CNTNAP4: variants seen among roughly 807,000 people sequenced by gnomAD.
CNTNAP4 encodes contactin associated protein family member 4.
CNTNAP4 carries 98 observed loss-of-function variants against 148.4 expected under a neutral mutation model. That is an observed-to-expected ratio of 0.66 (90% CI 0.56 to 0.78). The LOEUF (loss-of-function observed/expected upper bound fraction) is 0.78. Among genes scored for constraint, CNTNAP4 ranks in the 30% least tolerant of loss-of-function variants. The pLI, the probability that CNTNAP4 is intolerant of heterozygous loss-of-function variation, is 0.00. For missense variants in CNTNAP4, 1,935 were observed against 1,565.6 expected, an observed-to-expected ratio of 1.24 and a Z score of -3.98; for synonymous variants, 730 against 565.1, an observed-to-expected ratio of 1.29 and a Z score of -4.14.
chr16:76,483,371 C>T (rs1230453559), intron 12 of CNTNAP4, among the ~76,000 whole-genome samples: 1 of 152,066 alleles, frequency 6.6e-6, no homozygotes, highest in Non-Finnish European at 1.5e-5. Flanking sequence ...GGGGGAATCA[C>T]AGTACAATTA....
chr16:76,466,144 T>C lies in CNTNAP4; in HGVS notation c.1484-1208T>C, dbSNP rs143289814. ...CTCCGTTCCGTGGGTTCAATTGTTT[T>C]GATTTTTAGGTCCCACAAATAAATG... On this transcript the variant is annotated intron_variant, in intron 9 of 23. Coordinates refer to ENST00000611870, the MANE Select transcript of CNTNAP4 (RefSeq NM_033401.5). 7.8e-3 allele frequency among the ~76,000 whole-genome samples: 1,184 copies of C among 152,314 alleles called. 17 individuals are homozygous for C. Among genetic ancestry groups the C allele is most frequent in the African/African-American group, 0.028 (1,150 of 41,574 alleles).
At chr16:76,320,092 G>C (rs1287256882) in intron 2 of CNTNAP4, among the ~76,000 whole-genome samples, 1 of 152,140 alleles carries the variant, frequency 6.6e-6, no homozygotes, top group Non-Finnish European at 1.5e-5. Flanking sequence ...AAAGACCGTT[G>C]GTGTAAATAC....
At chr16:76,506,896 C>T (rs1384665275) in intron 15 of CNTNAP4, among the ~76,000 whole-genome samples, 3 of 96,628 alleles carry the variant, frequency 3.1e-5, no homozygotes, top group African/African-American at 7.7e-5. Context: ...TGCTACCATT[C>T]TGTGAGGAGG....
chr16:76,356,703 C>T (rs1372158530), intron 3 of CNTNAP4, among the ~76,000 whole-genome samples: 1 of 152,168 alleles, frequency 6.6e-6, no homozygotes, highest in Non-Finnish European at 1.5e-5. Context: ...AATGAAGCGT[C>T]ATTCTTAGCA....
chr16:76,478,754 T>TTGTA (rs2081690248), intron 11 of CNTNAP4, among the ~76,000 whole-genome samples: 1 of 152,046 alleles, frequency 6.6e-6, no homozygotes, highest in Non-Finnish European at 1.5e-5. Flanking sequence ...CTGAAACCAC[T>TTGTA]TGAAGGCATA....
At chr16:76,489,931 C>G in intron 13 of CNTNAP4, 48 bp downstream of exon 13, 2 of 1,237,836 alleles carry the variant, frequency 1.6e-6, no homozygotes, top group Non-Finnish European at 2.2e-6. Flanking sequence ...ACATCATGCA[C>G]TTACTCAACT....
At chr16:76,519,760 C>A (rs898819846) in intron 15 of CNTNAP4, among the ~76,000 whole-genome samples, 5 of 152,174 alleles carry the variant, frequency 3.3e-5, no homozygotes. Context: ...TCATTTGACT[C>A]TGGGAGGAAA....
chr16:76,418,864 G>C (rs994464499), intron 3 of CNTNAP4, among the ~76,000 whole-genome samples: 5 of 151,918 alleles, frequency 3.3e-5, no homozygotes, highest in African/African-American at 1.2e-4. Context: ...CTAAGAAATG[G>C]GTTACAGTTT....
At chr16:76,477,084 A>C (rs1018790300) in intron 11 of CNTNAP4, among the ~76,000 whole-genome samples, 5 of 152,180 alleles carry the variant, frequency 3.3e-5, no homozygotes, top group Non-Finnish European at 7.3e-5. Context: ...CTTATAAAGA[A>C]ATAGATATTA....
chr16:76,473,603 C>A (rs2081447977), intron 10 of CNTNAP4, among the ~76,000 whole-genome samples: 1 of 152,028 alleles, frequency 6.6e-6, no homozygotes, highest in South Asian at 2.1e-4. Context: ...GAAGCCCCGT[C>A]TCTACTAAAA....
intron 1 of CNTNAP4, among the ~76,000 whole-genome samples, chr16:76,310,979 T>C (rs1045042174): frequency 1.3e-5 from 2 of 152,110 alleles, no homozygotes; most frequent in Non-Finnish European, 2.9e-5. Context: ...TCTTGTGCTC[T>C]TTTTTCCTCA....
chr16:76,438,577 C>G (rs965829004), intron 4 of CNTNAP4, among the ~76,000 whole-genome samples: 6 of 152,006 alleles, frequency 3.9e-5, no homozygotes, highest in Non-Finnish European at 5.9e-5. Flanking sequence ...ACTTATCCAA[C>G]AAAACTTGAA....
intron 21 of CNTNAP4, among the ~76,000 whole-genome samples, chr16:76,549,468 A>G (rs1568606815): frequency 6.6e-6 from 1 of 152,152 alleles, no homozygotes; most frequent in Non-Finnish European, 1.5e-5. Context: ...CAAGCAGATT[A>G]AAAAGTAAAC....
rs1294973145 is a variant in CNTNAP4 at position 76,522,767 on chromosome 16, TTTTCTTTTC to T, written c.2755+517_2755+525del. ...TTTTCTTTTCTTTTCTTTTCTTTTC[TTTTCTTTTC>T]TTTCTTGACAGAGTCTCGCTCTGTC... On this transcript the variant is annotated intron_variant, in intron 17 of 23. Coordinates refer to ENST00000611870, the MANE Select transcript of CNTNAP4 (RefSeq NM_033401.5). 6.5e-3 allele frequency among the ~76,000 whole-genome samples: 700 copies of T among 108,100 alleles called. 42 individuals are homozygous for T. Among genetic ancestry groups the T allele is most frequent in the Non-Finnish European group, 7.7e-3 (393 of 50,796 alleles). The allele number at this position is 108,100 out of a possible 152,430, so 70.9% of individuals were successfully genotyped here. A position where few individuals can be genotyped will look rare whatever the true frequency, so the allele number is the denominator to read the frequency against.
chr16:76,479,700 T>C (rs1334130870), intron 12 of CNTNAP4, among the ~76,000 whole-genome samples, 162 bp downstream of exon 12: 1 of 152,148 alleles, frequency 6.6e-6, no homozygotes, highest in African/African-American at 2.4e-5. Context: ...AATAATTAAA[T>C]GGTAATGATT....
At chr16:76,551,668 G>C (rs1337548731) in intron 21 of CNTNAP4, among the ~76,000 whole-genome samples, 1 of 152,064 alleles carries the variant, frequency 6.6e-6, no homozygotes, top group Non-Finnish European at 1.5e-5. Flanking sequence ...TGTTCCATTT[G>C]TGTGACTTGG....
At chr16:76,297,948 T>C (rs138999852) in intron 1 of CNTNAP4, among the ~76,000 whole-genome samples, 16 of 152,310 alleles carry the variant, frequency 1.1e-4, no homozygotes, top group Non-Finnish European at 1.5e-4. Flanking sequence ...GTCAAACATA[T>C]TATTTTTTTT....
At chr16:76,543,097 C>G (rs2084534151) in intron 21 of CNTNAP4, among the ~76,000 whole-genome samples, 2 of 152,088 alleles carry the variant, frequency 1.3e-5, no homozygotes, top group Non-Finnish European at 2.9e-5. Flanking sequence ...TGCATATTAT[C>G]CAAATATGCA....
chr16:76,429,734 AC>A (rs1273015060), intron 4 of CNTNAP4, among the ~76,000 whole-genome samples: 2 of 151,896 alleles, frequency 1.3e-5, no homozygotes, highest in Non-Finnish European at 2.9e-5. Flanking sequence ...CCTCCCCCTC[AC>A]CTGTCTTGAT....
Sources: gnomAD v4.1 joint callset for allele counts (sites outside exome capture counted in the v4.1 genomes callset) on GRCh38, gnomAD v4.1.1 for gene constraint, MANE v1.5 for transcripts, NCBI Gene and HGNC (gene_info 2026-07-23, HGNC 2026-07-21) for gene names.